The following TRIM7 variants were observed in gnomAD, a reference collection of about 807,000 sequenced individuals.
The protein encoded by TRIM7 is tripartite motif containing 7, also known as E3 ubiquitin-protein ligase TRIM7.
A neutral mutation model predicts 37.9 loss-of-function variants in TRIM7; 32 were observed. The observed-to-expected ratio is 0.84, with a 90% CI of 0.64 to 1.13. The LOEUF is 1.13. Among genes scored for constraint, TRIM7 ranks in the 50% most tolerant of loss-of-function variants. The pLI is 0.00. For synonymous variants in TRIM7, 351 were observed against 321.3 expected (o/e 1.09, Z -0.99); for missense variants, 732 against 714.0 (o/e 1.03, Z -0.29).
intron 2 of TRIM7, chr5:181,200,872 T>G (rs1301852478): frequency 1.0e-6 from 1 of 985,390 alleles, no homozygotes; most frequent in Non-Finnish European, 1.2e-6. Flanking sequence ...TTGGGAGACC[T>G]GGGTTCAAGG....
intron 6 of TRIM7, 180 bp downstream of exon 6, chr5:181,198,003 G>A (rs1201911657): frequency 4.7e-6 from 3 of 637,988 alleles, no homozygotes; most frequent in East Asian, 2.8e-5. Flanking sequence ...ACATCTGAGG[G>A]TGTCAGAGCT....
At chr5:181,200,221 T>C in intron 2 of TRIM7, 140 bp from the exon 3 acceptor site, 1 of 1,549,836 alleles carries the variant, frequency 6.5e-7, no homozygotes. Flanking sequence ...ACGCACGCAG[T>C]GCGTGCTCTA....
chr5:181,195,697 G>T lies in TRIM7; in HGVS notation c.1025-20C>A, dbSNP rs367920737. ...GCTCCACTGCAGACAGAGACAGGGAGAAATGTCCCCACGCAGCCAGGCCCC... is the reference window on the plus strand; with the variant it reads ...GCTCCACTGCAGACAGAGACAGGGATAAATGTCCCCACGCAGCCAGGCCCC... On this transcript the variant is annotated intron_variant, in intron 6 of 6. Transcript: ENST00000274773. The T allele has an allele frequency of 4.0e-6, 6 of 1,508,842 alleles. No individual in the cohort carries two copies. The African/African-American group carries it at 8.4e-5, about 21-fold the overall frequency. 93.5% of individuals were successfully genotyped at this position (1,508,842 alleles called of 1,614,324 possible). A position where few individuals can be genotyped will look rare whatever the true frequency, so the allele number is the denominator to read the frequency against.
Position 181,204,821 on chromosome 5 carries a change from G to T in TRIM7, c.290C>A (p.Ala97Glu). 1 of 1,379,722 alleles carries T rather than the reference G, an allele frequency of 7.2e-7. No individual in the cohort carries two copies. Among genetic ancestry groups the T allele is most frequent in the Middle Eastern group, 2.7e-4 (1 of 3,762 alleles). The allele number at this position is 1,379,722 out of a possible 1,614,324, so 85.5% of individuals were successfully genotyped here. The stretch of plus-strand genomic sequence containing the variant: ...GCGCCGCAGGAGCGTGGCCACTGCC[G>T]CCAGCTGCCGGTTGGGCCGCAGCTG... ...PSQLRPNRQL[A>E]AVATLLRRFS... The change falls in exon 1 of 7, where the codon GCG (alanine) becomes GAG (glutamate). Residue 97 changes from alanine (A) to glutamate (E), a missense_variant. Transcript: ENST00000274773.
At chr5:181,201,575 G>C (rs901855533) in intron 2 of TRIM7, among the ~76,000 whole-genome samples, 7 of 152,100 alleles carry the variant, frequency 4.6e-5, no homozygotes, top group African/African-American at 1.7e-4. Flanking sequence ...GGCAACACAG[G>C]AGACTACCCC....
Position 181,194,022 on chromosome 5 carries a change from C to A in TRIM7, c.*1144G>T, listed in dbSNP as rs1369354369. The A allele has an allele frequency of 6.6e-6, 1 of 152,328 alleles. No homozygotes were observed. Among genetic ancestry groups the A allele is most frequent in the Non-Finnish European group, 1.5e-5 (1 of 68,090 alleles). The allele number at this position is 152,328 out of a possible 1,614,324, so 9.4% of individuals were successfully genotyped here. On this transcript the variant is annotated 3_prime_UTR_variant, in exon 7 of 7. Transcript: ENST00000274773. ...CACTGCCACCCTTCCAGAAGCCCAG[C>A]TACCCAGAAGCTGGAGAACAAGTAG...
At chr5:181,199,772 A>C in intron 3 of TRIM7, 79 bp downstream of exon 3, 1 of 1,493,320 alleles carries the variant, frequency 6.7e-7, no homozygotes, top group South Asian at 1.4e-5. Context: ...TAGACCCCCC[A>C]GGACTGACAC....
At chr5:181,195,990 T>G in intron 6 of TRIM7, 1 of 345,694 alleles carries the variant, frequency 2.9e-6, no homozygotes, top group East Asian at 4.5e-5. Flanking sequence ...TGTCCAGGTG[T>G]GAGGACTGCT....
intron 2 of TRIM7, chr5:181,200,844 G>T (rs1435007185): frequency 1.0e-6 from 1 of 985,452 alleles, no homozygotes; most frequent in Non-Finnish European, 1.2e-6. Context: ...CTGGGCGGAG[G>T]AAGGGAGTCC....
chr5:181,196,053 T>C (rs1757099609), intron 6 of TRIM7: 1 of 208,934 alleles, frequency 4.8e-6, no homozygotes, highest in Admixed American at 5.9e-5. Flanking sequence ...CACTGAGGTA[T>C]TTATGGCAAT....
At position 181,195,360 on chromosome 5, in the gene TRIM7, G is replaced by C. The variant is rs916140401; in HGVS notation, c.1342C>G (p.Pro448Ala). ...NGGQYWAVTS[P>A]ERSPLSCGHL... ...CCGCAGCTGAGGGGCGACCGCTCGG[G>C]GCTGGTCACGGCCCAGTACTGGCCG... The change falls in exon 7 of 7, where the codon CCC becomes GCC. Residue 448 changes from proline (P) to alanine (A), a missense_variant. Transcript: ENST00000274773. The C allele has an allele frequency of 6.3e-6, 10 of 1,579,002 alleles. No homozygotes were observed. In the Middle Eastern group the frequency reaches 8.4e-4, roughly 132 times the overall value.
Position 181,195,685 on chromosome 5 carries a change from CAG to C in TRIM7, c.1025-10_1025-9del. 7.9e-6 allele frequency: 12 copies of C among 1,513,484 alleles called. No individual in the cohort carries two copies. Among genetic ancestry groups the C allele is most frequent in the Non-Finnish European group, 1.1e-5 (12 of 1,129,022 alleles). 93.8% of individuals were successfully genotyped at this position (1,513,484 alleles called of 1,614,324 possible). On this transcript the variant is annotated splice_polypyrimidine_tract_variant and intron_variant, in intron 6 of 6. Transcript: ENST00000274773. ...GATCCAAGGTGAGCTCCACTGCAGACAGAGACAGGGAGAAATGTCCCCACGCA... is the reference window on the plus strand; with the variant it reads ...GATCCAAGGTGAGCTCCACTGCAGACAGACAGGGAGAAATGTCCCCACGCA...
At chr5:181,197,969 A>C in intron 6 of TRIM7, 1 of 596,814 alleles carries the variant, frequency 1.7e-6, no homozygotes, top group Admixed American at 2.9e-5. Flanking sequence ...TCCTGCTCCT[A>C]ACCAACCTGC....
intron 1 of TRIM7, 52 bp downstream of exon 1, chr5:181,204,537 A>G: frequency 7.7e-7 from 1 of 1,305,686 alleles, no homozygotes; most frequent in Non-Finnish European, 9.7e-7. Context: ...GGAGCGCGGG[A>G]CCAAGTCAGG....
Position 181,204,609 on chromosome 5 carries a change from C to T in TRIM7, c.502G>A (p.Glu168Lys), listed in dbSNP as rs749338467. ...HREHAVLPLD[E>K]AVQEAKELLE... is the part of the protein sequence containing the mutation. ...CTCACCTTGGCCTCCTGCACCGCCT[C>T]GTCCAGCGGCAGCACGGCGTGCTCG... The change falls in exon 1 of 7, where the codon GAG becomes AAG. Residue 168 changes from glutamate to lysine, a missense_variant. Glu to Lys is a moderately conservative substitution (Grantham distance 56, BLOSUM62 1). Coordinates refer to ENST00000274773, the MANE Select transcript of TRIM7 (RefSeq NM_203293.3). 4.1e-6 allele frequency: 6 copies of T among 1,453,790 alleles called. No homozygotes were observed. Among genetic ancestry groups the T allele is most frequent in the African/African-American group, 1.5e-5 (1 of 67,604 alleles). 90.1% of individuals were successfully genotyped at this position (1,453,790 alleles called of 1,614,324 possible).
At chr5:181,198,562 G>C in intron 5 of TRIM7, 128 bp downstream of exon 5, 1 of 726,868 alleles carries the variant, frequency 1.4e-6, no homozygotes. Flanking sequence ...ACACCAATCT[G>C]GCCATGGCAC....
At chr5:181,199,242 G>A (rs76492548) in intron 3 of TRIM7, 125 bp from the exon 4 acceptor site, 57,012 of 1,086,716 alleles carry the variant, frequency 0.052, 1,821 homozygotes, top group Non-Finnish European at 0.064. Flanking sequence ...ACGCCTCACT[G>A]CCTGCGTGGG....
intron 2 of TRIM7, chr5:181,200,415 T>G: frequency 7.5e-7 from 1 of 1,336,696 alleles, no homozygotes; most frequent in Non-Finnish European, 9.6e-7. Context: ...AGGGATAAAT[T>G]AGTGCCTCCT....
At chr5:181,200,295 A>G in intron 2 of TRIM7, 2 of 1,440,254 alleles carry the variant, frequency 1.4e-6, no homozygotes, top group Non-Finnish European at 9.1e-7. Flanking sequence ...CCCCTGCCAC[A>G]GATGCACCCA....
Sources: allele counts gnomAD v4.1 joint callset (sites outside exome capture counted in the v4.1 genomes callset), GRCh38; gene constraint gnomAD v4.1.1; transcripts MANE v1.5; gene names NCBI Gene and HGNC (gene_info 2026-07-23, HGNC 2026-07-21).